The following SLC30A10 variants were observed in gnomAD, a reference collection of about 807,000 sequenced individuals.
SLC30A10 encodes calcium/manganese antiporter SLC30A10.
Under a neutral mutation model 21.7 loss-of-function variants are expected in SLC30A10, and 8 were observed. That is an observed-to-expected ratio of 0.37 (90% confidence interval 0.22 to 0.67). SLC30A10 has a LOEUF of 0.67. Ranked by LOEUF, SLC30A10 falls within the 30% of genes least tolerant of loss-of-function variation. The probability of loss-of-function intolerance (pLI) is 0.58; values close to 1 mark genes in which losing one functional copy is unlikely to be tolerated. For synonymous variants in SLC30A10, 272 were observed against 279.4 expected (o/e 0.97, Z 0.26); for missense variants, 521 against 642.5 (o/e 0.81, Z 2.04).
At chr1:219,955,292 T>C (rs981112068) in intron 1 of SLC30A10, among the ~76,000 whole-genome samples, 1 of 152,210 alleles carries the variant, frequency 6.6e-6, no homozygotes, top group East Asian at 1.9e-4. Flanking sequence ...CTCGTATTTT[T>C]TACTTTTTTC....
At chr1:219,934,742 G>A (rs958305160) in intron 1 of SLC30A10, among the ~76,000 whole-genome samples, 10 of 152,158 alleles carry the variant, frequency 6.6e-5, no homozygotes, top group Non-Finnish European at 1.5e-4. Context: ...TGCTGATAAA[G>A]GAGAAATACT....
At chr1:219,935,568 G>T (rs1190926152) in intron 1 of SLC30A10, among the ~76,000 whole-genome samples, 1 of 152,192 alleles carries the variant, frequency 6.6e-6, no homozygotes, top group African/African-American at 2.4e-5. Flanking sequence ...CAACTTCTGA[G>T]CCTCTATGTT....
chr1:219,917,547 G>A (rs981193365), intron 3 of SLC30A10, among the ~76,000 whole-genome samples: 29 of 152,026 alleles, frequency 1.9e-4, no homozygotes, highest in Admixed American at 1.9e-3. Flanking sequence ...AGAAAGCAGG[G>A]TCTAGAATAT....
At position 219,911,807 on chromosome 1, in the gene SLC30A10, G is replaced by A. The variant is rs1255403879; in HGVS notation, c.*3642C>T. 6.6e-6 allele frequency among the ~76,000 whole-genome samples: 1 copy of A among 152,074 alleles called. No individual in the cohort carries two copies. The highest frequency in any genetic ancestry group is 6.5e-5 in the Admixed American group (1 of 15,268). ...TAAACTACCCTTAGTTCTACCCAGT[G>A]GCTCAGAACTTGGGGCAATTTTTTT... On this transcript the variant is annotated 3_prime_UTR_variant, in exon 4 of 4. Coordinates refer to ENST00000366926, the MANE Select transcript of SLC30A10 (RefSeq NM_018713.3).
Position 219,915,271 on chromosome 1 carries a change from T to G in SLC30A10, c.*178A>C. Reference sequence around the variant, plus strand: ...ACCCAGGGGAATGGAAAGGAGTTAGTTACATAAAAATTCACAGACACGTTT... The same window carrying G: ...ACCCAGGGGAATGGAAAGGAGTTAGGTACATAAAAATTCACAGACACGTTT... On this transcript the variant is annotated 3_prime_UTR_variant, in exon 4 of 4. Transcript: ENST00000366926. 2.8e-6 allele frequency: 2 copies of G among 717,212 alleles called. No individual in the cohort carries two copies. Among genetic ancestry groups the G allele is most frequent in the Non-Finnish European group, 4.7e-6 (2 of 422,764 alleles). The allele number at this position is 717,212 out of a possible 1,614,324, so 44.4% of individuals were successfully genotyped here. A position where few individuals can be genotyped will look rare whatever the true frequency, so the allele number is the denominator to read the frequency against.
Position 219,921,946 on chromosome 1 carries a change from C to CGA in SLC30A10, c.719-3454_719-3453dup, listed in dbSNP as rs1229324513. The stretch of plus-strand genomic sequence containing the variant: ...CAGAGAGAGAGAGAGAGAGAGAGAC[C>CGA]GAGAGAGAGAGACAGAGAGAGAGAA... On this transcript the variant is annotated intron_variant, in intron 2 of 3. Coordinates refer to ENST00000366926, the MANE Select transcript of SLC30A10 (RefSeq NM_018713.3). Among the ~76,000 whole-genome samples the CGA allele has an allele frequency of 1.4e-4, 10 of 72,714 alleles. No homozygotes were observed. The East Asian group carries it at 2.8e-3, about 20-fold the overall frequency. 47.7% of individuals were successfully genotyped at this position (72,714 alleles called of 152,430 possible).
intron 3 of SLC30A10, among the ~76,000 whole-genome samples, chr1:219,917,128 C>T (rs1307935520): frequency 2.0e-5 from 3 of 151,162 alleles, no homozygotes; most frequent in Non-Finnish European, 4.4e-5. Flanking sequence ...ACACTACAAC[C>T]TTTACTTTTT....
Position 219,925,064 on chromosome 1 carries a change from C to T in SLC30A10, c.718+1964G>A, listed in dbSNP as rs181734251. Reference sequence around the variant, plus strand: ...AAACCAAAGGCCCAGCCAGGTATAGCAAGGCATTCTACTACTGACATTTTT... The same window carrying T: ...AAACCAAAGGCCCAGCCAGGTATAGTAAGGCATTCTACTACTGACATTTTT... On this transcript the variant is annotated intron_variant, in intron 2 of 3. Coordinates refer to ENST00000366926, the MANE Select transcript of SLC30A10 (RefSeq NM_018713.3). Among the ~76,000 whole-genome samples, 478 of 152,274 alleles carry T rather than the reference C, an allele frequency of 3.1e-3. 1 individual carries two copies. Among genetic ancestry groups the T allele is most frequent in the African/African-American group, 0.011 (453 of 41,556 alleles).
At chr1:219,919,484 G>T (rs1027605779) in intron 2 of SLC30A10, among the ~76,000 whole-genome samples, 9 of 152,052 alleles carry the variant, frequency 5.9e-5, no homozygotes, top group Admixed American at 5.9e-4. Context: ...TTAAAAAGAT[G>T]CCCAGGTGAG....
chr1:219,956,878 G>A (rs547316004), intron 1 of SLC30A10, among the ~76,000 whole-genome samples: 1 of 152,146 alleles, frequency 6.6e-6, no homozygotes, highest in Non-Finnish European at 1.5e-5. Flanking sequence ...GAGTCAGACC[G>A]TTTACCTAAA....
chr1:219,921,921 CAGAGAGAGAG>C (rs57806725), intron 2 of SLC30A10, among the ~76,000 whole-genome samples: 3 of 137,838 alleles, frequency 2.2e-5, no homozygotes, highest in South Asian at 2.4e-4. Context: ...GAGAGAGAGA[CAGAGAGAGAG>C]AGAGAGAGAG....
upstream of SLC30A10, among the ~76,000 whole-genome samples, chr1:219,931,582 C>T (rs1367925339): frequency 6.6e-6 from 1 of 152,120 alleles, no homozygotes; most frequent in Non-Finnish European, 1.5e-5. Context: ...CTGGGTTCAA[C>T]TGATTCTCCT....
Position 219,956,887 on chromosome 1 carries a change from A to G in SLC30A10, n.80+1681T>C, listed in dbSNP as rs112951649. Among the ~76,000 whole-genome samples, 764 of 152,284 alleles carry G rather than the reference A, an allele frequency of 5.0e-3. 7 individuals carry two copies. Among genetic ancestry groups the G allele is most frequent in the African/African-American group, 0.017 (716 of 41,562 alleles). ...TGGTCAGAGTCAGACCGTTTACCTA[A>G]ATTGCTTTTGTTATGTGCAGGTAAA... On this transcript the variant is annotated intron_variant and non_coding_transcript_variant, in intron 1 of 8. Transcript: ENST00000484239.
Position 219,915,344 on chromosome 1 carries a change from G to T in SLC30A10, c.*105C>A. On this transcript the variant is annotated 3_prime_UTR_variant, in exon 4 of 4. Coordinates refer to ENST00000366926, the MANE Select transcript of SLC30A10 (RefSeq NM_018713.3). ...CCCCTAGTGAACACAGAGCATGCAT[G>T]CTGCAAGTCTAGTCTGGGCCTACAA... 1 of 1,393,172 alleles carries T rather than the reference G, an allele frequency of 7.2e-7. No homozygotes were observed. The highest frequency in any genetic ancestry group is 9.8e-7 in the Non-Finnish European group (1 of 1,017,868). The allele number at this position is 1,393,172 out of a possible 1,614,324, so 86.3% of individuals were successfully genotyped here. A position where few individuals can be genotyped will look rare whatever the true frequency, so the allele number is the denominator to read the frequency against.
chr1:219,932,149 C>G (rs191254157), upstream of SLC30A10, among the ~76,000 whole-genome samples: 1,062 of 151,918 alleles, frequency 7.0e-3, 3 homozygotes, highest in Non-Finnish European at 0.012. Flanking sequence ...TTGCACACTC[C>G]ACCTCCCAGG....
intron 1 of SLC30A10, among the ~76,000 whole-genome samples, chr1:219,950,282 T>C (rs1660250153): frequency 6.6e-6 from 1 of 152,192 alleles, no homozygotes; most frequent in African/African-American, 2.4e-5. Flanking sequence ...GTACAAGTAA[T>C]GGCCTGCTAC....
chr1:219,932,389 A>G (rs779865264), upstream of SLC30A10, among the ~76,000 whole-genome samples: 1 of 152,216 alleles, frequency 6.6e-6, no homozygotes, highest in Non-Finnish European at 1.5e-5. Flanking sequence ...TGACACTAAA[A>G]ATTATTTTTA....
intron 2 of SLC30A10, among the ~76,000 whole-genome samples, chr1:219,926,550 G>A (rs1038959564): frequency 2.6e-5 from 4 of 152,150 alleles, no homozygotes; most frequent in African/African-American, 9.7e-5. Context: ...CTTTGGTCCT[G>A]GGAGTGGAGG....
chr1:219,957,217 G>T (rs765965100), intron 1 of SLC30A10, among the ~76,000 whole-genome samples: 4 of 152,024 alleles, frequency 2.6e-5, no homozygotes, highest in Non-Finnish European at 5.9e-5. Flanking sequence ...CTAGACTCTA[G>T]TTTCTAATTT....
Sources: gnomAD v4.1 joint callset for allele counts (sites outside exome capture counted in the v4.1 genomes callset) on GRCh38, gnomAD v4.1.1 for gene constraint, MANE v1.5 for transcripts, NCBI Gene and HGNC (gene_info 2026-07-23, HGNC 2026-07-21) for gene names.